MGAT4C: variants seen among roughly 807,000 people sequenced by gnomAD.
The protein encoded by MGAT4C is MGAT4 family member C, also known as alpha-1,3-mannosyl-glycoprotein 4-beta-N-acetylglucosaminyltransferase C.
In MGAT4C, 19 loss-of-function variants were observed where a neutral mutation model predicts 40.1. That is an observed-to-expected ratio of 0.47 (90% CI 0.33 to 0.70). The LOEUF (loss-of-function observed/expected upper bound fraction) is 0.70. MGAT4C is among the 30% of genes least tolerant of loss of function. MGAT4C has a pLI of 0.02. For synonymous variants in MGAT4C, 181 were observed against 187.1 expected (o/e 0.97, Z 0.27); for missense variants, 491 against 563.2 (o/e 0.87, Z 1.30).
At chr12:86,578,759 T>C (rs1200576507) in intron 2 of MGAT4C, among the ~76,000 whole-genome samples, 3 of 151,748 alleles carry the variant, frequency 2.0e-5, no homozygotes, top group African/African-American at 7.2e-5. Flanking sequence ...TGTTTTTTCT[T>C]AATCTGGCTA....
chr12:86,830,163 TG>T (rs1952893368), intron 1 of MGAT4C, among the ~76,000 whole-genome samples: 1 of 151,516 alleles, frequency 6.6e-6, no homozygotes, highest in Non-Finnish European at 1.5e-5. Flanking sequence ...TGAGTCTCAC[TG>T]TCCCTCTTGT....
chr12:86,702,371 C>T (rs1950378314), intron 2 of MGAT4C, among the ~76,000 whole-genome samples: 2 of 152,176 alleles, frequency 1.3e-5, no homozygotes, highest in African/African-American at 2.4e-5. Context: ...AAGAAATAGC[C>T]TTATCTTAAA....
chr12:86,123,897 C>T (rs1479499427), intron 1 of MGAT4C, among the ~76,000 whole-genome samples: 3 of 152,014 alleles, frequency 2.0e-5, no homozygotes, highest in East Asian at 3.9e-4. Context: ...CTTGTATGTG[C>T]ATTTTACTTA....
intron 1 of MGAT4C, among the ~76,000 whole-genome samples, chr12:86,241,986 C>T (rs919876206): frequency 6.6e-6 from 1 of 152,098 alleles, no homozygotes; most frequent in Non-Finnish European, 1.5e-5. Context: ...ACTGTATTTA[C>T]CTTTGGTGGC....
chr12:86,760,426 C>A (rs1488116185), intron 1 of MGAT4C, among the ~76,000 whole-genome samples: 2 of 151,404 alleles, frequency 1.3e-5, no homozygotes. Flanking sequence ...GTAGCAAACA[C>A]CAAATGTAAA....
At chr12:86,683,535 G>A (rs1178605947) in intron 2 of MGAT4C, among the ~76,000 whole-genome samples, 1 of 151,452 alleles carries the variant, frequency 6.6e-6, no homozygotes, top group Non-Finnish European at 1.5e-5. Flanking sequence ...ACTAAATTAT[G>A]TTTGGATATG....
chr12:86,287,660 T>A (rs1416550184), intron 4 of MGAT4C, among the ~76,000 whole-genome samples: 1 of 152,158 alleles, frequency 6.6e-6, no homozygotes. Flanking sequence ...TCCAGCTTCA[T>A]CCACGTCCCT....
chr12:86,302,430 G>T (rs1259912686), intron 4 of MGAT4C, among the ~76,000 whole-genome samples: 1 of 150,012 alleles, frequency 6.7e-6, no homozygotes, highest in Non-Finnish European at 1.5e-5. Context: ...GGTTGGGTTT[G>T]GTTTGGTTTG....
chr12:86,382,054 G>A (rs867796937), intron 3 of MGAT4C, among the ~76,000 whole-genome samples: 6 of 152,128 alleles, frequency 3.9e-5, no homozygotes, highest in African/African-American at 1.4e-4. Flanking sequence ...ATGTGGAAGC[G>A]ACTTTGGAAC....
At chr12:86,339,207 A>G (rs1217725775) in intron 3 of MGAT4C, among the ~76,000 whole-genome samples, 1 of 152,148 alleles carries the variant, frequency 6.6e-6, no homozygotes, top group Non-Finnish European at 1.5e-5. Context: ...ACATGAATCC[A>G]AACCAGAGAG....
rs562760753 is a variant in MGAT4C at position 85,998,623 on chromosome 12, G to A, written c.-6-9071C>T. On this transcript the variant is annotated intron_variant, in intron 2 of 4. Transcript: ENST00000611864. ...CAAAGTTCCATAAATCTCTAAGGCAGGGATAAAATGCTGCCAGTCTCTTTC... is the reference window on the plus strand; with the variant it reads ...CAAAGTTCCATAAATCTCTAAGGCAAGGATAAAATGCTGCCAGTCTCTTTC... 3.9e-5 allele frequency among the ~76,000 whole-genome samples: 6 copies of A among 152,150 alleles called. 1 individual carries two copies. In the East Asian group the frequency reaches 1.2e-3, roughly 30 times the overall value.
intron 2 of MGAT4C, among the ~76,000 whole-genome samples, chr12:86,605,945 A>G (rs370331763): frequency 3.9e-5 from 6 of 152,278 alleles, no homozygotes; most frequent in African/African-American, 1.4e-4. Context: ...AAAGAAGTTT[A>G]ATTGACTCAC....
chr12:86,773,339 A>G (rs1455910524), intron 1 of MGAT4C, among the ~76,000 whole-genome samples: 1 of 152,154 alleles, frequency 6.6e-6, no homozygotes, highest in Non-Finnish European at 1.5e-5. Context: ...GCCACCTGTA[A>G]GCCAGGGAAA....
chr12:86,394,453 G>A (rs1956210708), intron 3 of MGAT4C, among the ~76,000 whole-genome samples: 1 of 141,394 alleles, frequency 7.1e-6, no homozygotes. Flanking sequence ...TTAGAAATTT[G>A]GTTTAATTAT....
Position 86,028,859 on chromosome 12 carries a change from T to A in MGAT4C, c.-7+20815A>T, listed in dbSNP as rs12319057. 4.6e-3 allele frequency among the ~76,000 whole-genome samples: 697 copies of A among 152,062 alleles called. 6 individuals are homozygous for A. Among genetic ancestry groups the A allele is most frequent in the African/African-American group, 0.016 (662 of 41,532 alleles). On this transcript the variant is annotated intron_variant, in intron 2 of 4. Coordinates refer to ENST00000611864, the MANE Select transcript of MGAT4C (RefSeq NM_001351288.2). Reference sequence around the variant, plus strand: ...TCCATATTATGACTAAGAAATGATATAAGATATCTCATTACATATTCCAAT... The same window carrying A: ...TCCATATTATGACTAAGAAATGATAAAAGATATCTCATTACATATTCCAAT...
intron 2 of MGAT4C, among the ~76,000 whole-genome samples, chr12:86,691,468 A>T (rs1950172044): frequency 6.6e-6 from 1 of 152,214 alleles, no homozygotes; most frequent in African/African-American, 2.4e-5. Flanking sequence ...GAAAAAGACA[A>T]CCTGGTAAAT....
At chr12:86,503,749 AT>A (rs1177741036) in intron 2 of MGAT4C, among the ~76,000 whole-genome samples, 7 of 84,406 alleles carry the variant, frequency 8.3e-5, no homozygotes, top group African/African-American at 2.3e-4. Flanking sequence ...ATATATATAT[AT>A]GAGTTCTGCT....
intron 3 of MGAT4C, among the ~76,000 whole-genome samples, chr12:86,364,799 T>C (rs1955557236): frequency 6.6e-6 from 1 of 151,154 alleles, no homozygotes; most frequent in South Asian, 2.1e-4. Flanking sequence ...GGGGAGGGGG[T>C]GTATGAATAG....
intron 1 of MGAT4C, among the ~76,000 whole-genome samples, chr12:86,136,968 G>C (rs1211605002): frequency 6.6e-6 from 1 of 152,118 alleles, no homozygotes; most frequent in Non-Finnish European, 1.5e-5. Context: ...TTACAGGCAT[G>C]AGCCGCGCGC....
Sources: allele counts gnomAD v4.1 joint callset (sites outside exome capture counted in the v4.1 genomes callset), GRCh38; gene constraint gnomAD v4.1.1; transcripts MANE v1.5; gene names NCBI Gene and HGNC (gene_info 2026-07-23, HGNC 2026-07-21).